The following WASF3 variants were observed in gnomAD, a reference collection of about 807,000 sequenced individuals.
WASF3 encodes the protein WASP family member 3, also known as actin-binding protein WASF3.
A neutral mutation model predicts 46.6 loss-of-function variants in WASF3; 11 were observed. That is an observed-to-expected ratio of 0.24 (90% CI 0.15 to 0.39). The LOEUF (loss-of-function observed/expected upper bound fraction) is 0.39, where lower values mean the gene tolerates loss of function less well. Among genes scored for constraint, WASF3 ranks in the 10% least tolerant of loss-of-function variants. The pLI is 1.00. For missense variants in WASF3, 576 were observed against 669.8 expected, an observed-to-expected ratio of 0.86 and a Z score of 1.55; for synonymous variants, 242 against 259.7, an observed-to-expected ratio of 0.93 and a Z score of 0.65.
intron 3 of WASF3, among the ~76,000 whole-genome samples, chr13:26,646,421 A>G (rs1882152256): frequency 2.0e-5 from 3 of 152,290 alleles, no homozygotes; most frequent in Admixed American, 2.0e-4. Context: ...GTCAAAACAT[A>G]ATCTGTTTTT....
upstream of WASF3, among the ~76,000 whole-genome samples, chr13:26,553,116 C>A (rs1879004716): frequency 6.6e-6 from 1 of 152,194 alleles, no homozygotes; most frequent in Non-Finnish European, 1.5e-5. Context: ...TAATGCTAGA[C>A]AGCTGCATCT....
chr13:26,594,792 T>C (rs1880411467), intron 1 of WASF3, among the ~76,000 whole-genome samples: 1 of 139,838 alleles, frequency 7.2e-6, no homozygotes, highest in East Asian at 2.2e-4. Context: ...TTCCTTCTCC[T>C]TCTTGGGTAT....
At chr13:26,624,460 T>C (rs2137247638) in intron 2 of WASF3, among the ~76,000 whole-genome samples, 1 of 152,200 alleles carries the variant, frequency 6.6e-6, no homozygotes, top group Middle Eastern at 3.4e-3. Flanking sequence ...CTAAGAACTA[T>C]GGAACAGTAT....
chr13:26,558,156 C>T (rs1275372995), intron 1 of WASF3, among the ~76,000 whole-genome samples: 2 of 152,060 alleles, frequency 1.3e-5, no homozygotes, highest in Non-Finnish European at 2.9e-5. Context: ...AGCCACCCGC[C>T]CTCCCCGCCG....
At chr13:26,601,915 ATTTGCCAGATTGTG>A in intron 1 of WASF3, among the ~76,000 whole-genome samples, 1 of 152,302 alleles carries the variant, frequency 6.6e-6, no homozygotes, top group South Asian at 2.1e-4. Context: ...GGCTGAGTAA[ATTTGCCAGATTGTG>A]GTGATTGTGC....
intron 1 of WASF3, among the ~76,000 whole-genome samples, chr13:26,590,060 C>T (rs1437057735): frequency 6.6e-6 from 1 of 152,170 alleles, no homozygotes; most frequent in African/African-American, 2.4e-5. Context: ...CAACTGAAGA[C>T]CCATATCTGA....
At position 26,564,885 on chromosome 13, in the gene WASF3, C is replaced by T. The variant is rs55941498; in HGVS notation, c.-109+7066C>T. 6.4e-3 allele frequency among the ~76,000 whole-genome samples: 894 copies of T among 140,132 alleles called. 11 individuals are homozygous for T. The highest frequency in any genetic ancestry group is 0.023 in the African/African-American group (856 of 37,844). 91.9% of individuals were successfully genotyped at this position (140,132 alleles called of 152,430 possible). On this transcript the variant is annotated intron_variant, in intron 1 of 9. Coordinates refer to ENST00000335327, the MANE Select transcript of WASF3 (RefSeq NM_006646.6). ...ATTTTCCAACTTCTCAAAATATGTACATGACAAGGTTGTGGTTTTTTTTTT... is the reference window on the plus strand; with the variant it reads ...ATTTTCCAACTTCTCAAAATATGTATATGACAAGGTTGTGGTTTTTTTTTT...
chr13:26,608,300 G>A (rs946959658), intron 1 of WASF3, among the ~76,000 whole-genome samples: 2 of 152,108 alleles, frequency 1.3e-5, no homozygotes, highest in Non-Finnish European at 2.9e-5. Context: ...ATTTAGATCT[G>A]TGGTAAGTAA....
At chr13:26,628,222 A>G (rs1013234804) in intron 2 of WASF3, among the ~76,000 whole-genome samples, 4 of 152,180 alleles carry the variant, frequency 2.6e-5, no homozygotes, top group Non-Finnish European at 5.9e-5. Flanking sequence ...AATAGTAAGA[A>G]AACAAAACAA....
At chr13:26,669,265 G>T in intron 5 of WASF3, among the ~76,000 whole-genome samples, 1 of 138,356 alleles carries the variant, frequency 7.2e-6, no homozygotes, top group East Asian at 2.1e-4. Context: ...AGGTTGGAGT[G>T]CAGTGGGGTG....
chr13:26,609,773 T>G (rs1880914006), intron 1 of WASF3, among the ~76,000 whole-genome samples: 1 of 152,198 alleles, frequency 6.6e-6, no homozygotes, highest in Non-Finnish European at 1.5e-5. Flanking sequence ...TTACCCAGTC[T>G]GTTCCTCTAG....
intron 3 of WASF3, among the ~76,000 whole-genome samples, chr13:26,644,985 G>A (rs796607305): frequency 1.6e-4 from 24 of 152,316 alleles, no homozygotes; most frequent in African/African-American, 5.8e-4. Flanking sequence ...TTCGTTGAGT[G>A]CATCTGGGGC....
chr13:26,549,245 G>A, the WASF3 span, among the ~76,000 whole-genome samples: 1 of 152,080 alleles, frequency 6.6e-6, no homozygotes, highest in Non-Finnish European at 1.5e-5. Flanking sequence ...CTCCCAAAGT[G>A]TGTGGATTAC....
chr13:26,587,165 AT>A (rs1211003217), intron 1 of WASF3, among the ~76,000 whole-genome samples: 2 of 139,618 alleles, frequency 1.4e-5, no homozygotes, highest in Non-Finnish European at 3.1e-5. Flanking sequence ...AAGAATCCTC[AT>A]TTTTTTTGCT....
At chr13:26,624,606 C>G (rs1291067543) in intron 2 of WASF3, among the ~76,000 whole-genome samples, 2 of 151,684 alleles carry the variant, frequency 1.3e-5, no homozygotes, top group Non-Finnish European at 2.9e-5. Flanking sequence ...ATAAGACAAA[C>G]AGATCCAAGA....
At chr13:26,554,284 C>A (rs1879053132), upstream of WASF3, among the ~76,000 whole-genome samples, 1 of 151,786 alleles carries the variant, frequency 6.6e-6, no homozygotes, top group South Asian at 2.1e-4. Flanking sequence ...CATATGCCAC[C>A]ACTCTTGGCT....
chr13:26,661,178 A>G (rs1427019508), intron 3 of WASF3, among the ~76,000 whole-genome samples: 1 of 152,222 alleles, frequency 6.6e-6, no homozygotes. Context: ...CGCTGTAGCA[A>G]GTAATGTTAA....
chr13:26,540,609 G>A, the WASF3 span, among the ~76,000 whole-genome samples: 2 of 152,206 alleles, frequency 1.3e-5, no homozygotes, highest in Non-Finnish European at 2.9e-5. Context: ...CACCAGCTTG[G>A]AATTGAGTAG....
intron 2 of WASF3, among the ~76,000 whole-genome samples, chr13:26,613,718 C>T (rs76179539): frequency 6.6e-6 from 1 of 152,048 alleles, no homozygotes; most frequent in Non-Finnish European, 1.5e-5. Context: ...TGCAGTGAGC[C>T]GAGATCGTGC....
Sources: gnomAD v4.1 joint callset for allele counts (sites outside exome capture counted in the v4.1 genomes callset) on GRCh38, gnomAD v4.1.1 for gene constraint, MANE v1.5 for transcripts, NCBI Gene and HGNC (gene_info 2026-07-23, HGNC 2026-07-21) for gene names.